Variants in HYCC2 observed in about 807,000 individuals in gnomAD.
The protein encoded by HYCC2 is hyccin 2.
At chr2:201,040,237 G>A in the HYCC2 span, among the ~76,000 whole-genome samples, 1 of 151,872 alleles carries the variant, frequency 6.6e-6, no homozygotes. Flanking sequence ...ATGGTACCAG[G>A]TGTTTCCTAT....
the HYCC2 span, among the ~76,000 whole-genome samples, chr2:200,999,275 CT>C: frequency 6.6e-6 from 1 of 152,066 alleles, no homozygotes; most frequent in African/African-American, 2.4e-5. Context: ...TGGTGCAAAA[CT>C]TTAAAAAAAA....
At chr2:201,054,299 G>A in the HYCC2 span, among the ~76,000 whole-genome samples, 3 of 152,122 alleles carry the variant, frequency 2.0e-5, no homozygotes, top group Non-Finnish European at 4.4e-5. Flanking sequence ...TATGCCTTTC[G>A]CTTTGCTGAT....
chr2:201,066,496 G>C, the HYCC2 span, among the ~76,000 whole-genome samples: 1 of 152,078 alleles, frequency 6.6e-6, no homozygotes, highest in Non-Finnish European at 1.5e-5. Context: ...AATAAAGAAC[G>C]AATACACAGA....
the HYCC2 span, chr2:201,021,895 T>C: frequency 2.6e-6 from 1 of 384,218 alleles, no homozygotes; most frequent in South Asian, 2.0e-5. Context: ...AAAAAGCAAA[T>C]GAATCCTGCA....
At chr2:200,988,207 A>G in the HYCC2 span, 8 of 1,489,286 alleles carry the variant, frequency 5.4e-6, no homozygotes, top group South Asian at 1.1e-4. Context: ...AGTCTGTAAA[A>G]ACAGTGATAA....
At chr2:201,002,250 A>G in the HYCC2 span, among the ~76,000 whole-genome samples, 1 of 150,750 alleles carries the variant, frequency 6.6e-6, no homozygotes, top group African/African-American at 2.4e-5. Flanking sequence ...CCTGGGCAAT[A>G]CAGTGAAACA....
At chr2:201,000,741 G>C in the HYCC2 span, among the ~76,000 whole-genome samples, 2 of 152,126 alleles carry the variant, frequency 1.3e-5, no homozygotes, top group Admixed American at 1.3e-4. Context: ...ACTGAAAAAT[G>C]TATGTTCACA....
chr2:200,984,391 T>C, the HYCC2 span, among the ~76,000 whole-genome samples: 1 of 152,194 alleles, frequency 6.6e-6, no homozygotes, highest in Non-Finnish European at 1.5e-5. Flanking sequence ...TAGAATGTAC[T>C]TGACAATCAG....
the HYCC2 span, among the ~76,000 whole-genome samples, chr2:201,048,424 G>A: frequency 6.6e-6 from 1 of 151,724 alleles, no homozygotes; most frequent in East Asian, 1.9e-4. Flanking sequence ...ACAGCCCAGG[G>A]AGGGCTTTGA....
chr2:201,037,096 C>A, the HYCC2 span, among the ~76,000 whole-genome samples: 2 of 152,128 alleles, frequency 1.3e-5, no homozygotes, highest in African/African-American at 2.4e-5. Flanking sequence ...TTCTTATACA[C>A]CAATAACAGA....
At chr2:201,017,741 C>A in the HYCC2 span, among the ~76,000 whole-genome samples, 1 of 152,214 alleles carries the variant, frequency 6.6e-6, no homozygotes. Context: ...CAGAAGAATC[C>A]TATGTAAATC....
chr2:201,002,902 T>C, the HYCC2 span, among the ~76,000 whole-genome samples: 1 of 152,224 alleles, frequency 6.6e-6, no homozygotes, highest in African/African-American at 2.4e-5. Context: ...CAAATGTATG[T>C]ACAAAAAATG....
At chr2:200,974,013 G>A in the HYCC2 span, 1 of 151,952 alleles carries the variant, frequency 6.6e-6, no homozygotes, top group African/African-American at 2.4e-5. Flanking sequence ...TGGCTTACAT[G>A]CACCAATAAA....
chr2:201,034,419 G>A, the HYCC2 span, among the ~76,000 whole-genome samples: 5 of 151,820 alleles, frequency 3.3e-5, no homozygotes, highest in African/African-American at 1.2e-4. Context: ...TCAGAAACTA[G>A]GATTGCAACC....
chr2:201,059,497 A>G, the HYCC2 span, among the ~76,000 whole-genome samples: 5 of 152,162 alleles, frequency 3.3e-5, no homozygotes, highest in Non-Finnish European at 7.3e-5. Flanking sequence ...GAGCAAATGT[A>G]AATCTCTCTT....
chr2:201,019,371 A>T, the HYCC2 span, among the ~76,000 whole-genome samples: 1 of 152,156 alleles, frequency 6.6e-6, no homozygotes, highest in Non-Finnish European at 1.5e-5. Context: ...TACCAGCATT[A>T]TTACTCTGTG....
At chr2:201,008,026 A>G in the HYCC2 span, among the ~76,000 whole-genome samples, 1 of 152,210 alleles carries the variant, frequency 6.6e-6, no homozygotes, top group South Asian at 2.1e-4. Flanking sequence ...TTTAATCTCT[A>G]TTCTTTCCCT....
At chr2:200,974,751 A>G in the HYCC2 span, 1 of 151,996 alleles carries the variant, frequency 6.6e-6, no homozygotes, top group East Asian at 1.9e-4. Flanking sequence ...TTTCCAAAAA[A>G]AATTATTTAA....
chr2:201,005,377 A>G, the HYCC2 span, among the ~76,000 whole-genome samples: 3 of 152,088 alleles, frequency 2.0e-5, no homozygotes, highest in East Asian at 5.8e-4. Flanking sequence ...TGGTATTACT[A>G]CACTTTTTTC....
Sources: gnomAD v4.1 joint callset for allele counts (sites outside exome capture counted in the v4.1 genomes callset) on GRCh38, gnomAD v4.1.1 for gene constraint, MANE v1.5 for transcripts, NCBI Gene and HGNC (gene_info 2026-07-23, HGNC 2026-07-21) for gene names.